SYNPO2L: variants seen among roughly 807,000 people sequenced by gnomAD.
The protein encoded by SYNPO2L is synaptopodin 2 like.
SYNPO2L carries 34 observed loss-of-function variants against 47.5 expected under a neutral mutation model. The ratio of observed to expected loss-of-function variants is 0.72; its 90% CI spans 0.54 to 0.95. The LOEUF (loss-of-function observed/expected upper bound fraction) is 0.95. Ranked by LOEUF, SYNPO2L falls within the 40% of genes least tolerant of loss-of-function variation. SYNPO2L has a pLI of 0.00. For missense variants in SYNPO2L, 1,246 were observed against 1,282.0 expected (o/e 0.97, Z 0.43); for synonymous variants, 536 against 524.9 (o/e 1.02, Z -0.29).
Position 73,647,423 on chromosome 10 carries a change from G to A in SYNPO2L, c.2229C>T (p.Ala743=), listed in dbSNP as rs755607793. The change falls in exon 4 of 4, where the codon GCC becomes GCT. Residue 743 remains alanine, a synonymous_variant. Transcript: ENST00000394810. ...GTGGCTCAGGGATTCCAGCCGAAGA[G>A]GCTGCCCCATTCACGAGCCCATCAA... The part of the protein sequence containing the change: ...GLLDGLVNGA[A]SSAGIPEPPR... The A allele has an allele frequency of 5.4e-5, 87 of 1,611,410 alleles. No homozygotes were observed. The highest frequency in any genetic ancestry group is 7.1e-5 in the Non-Finnish European group (84 of 1,178,156).
chr10:73,654,026 A>G (rs974437080), intron 2 of SYNPO2L, 103 bp downstream of exon 2: 1 of 1,407,148 alleles, frequency 7.1e-7, no homozygotes, highest in African/African-American at 1.4e-5. Flanking sequence ...ACGAGCAGAA[A>G]TAGGTACCTG....
At position 73,648,220 on chromosome 10, in the gene SYNPO2L, G is replaced by A. The variant is rs2081796930; in HGVS notation, c.1432C>T (p.Gln478Ter). Reference protein sequence around the residue: ...ARPFTPGLQGQRPTTTSVIFR... With the variant: ...ARPFTPGLQG Reference sequence around the variant, plus strand: ...ATAACCGAGGTGGTAGTTGGCCGCTGCCCTTGTAGGCCCGGGGTAAAGGGC... The same window carrying A: ...ATAACCGAGGTGGTAGTTGGCCGCTACCCTTGTAGGCCCGGGGTAAAGGGC... The change falls in exon 4 of 4, where the codon CAG (glutamine) becomes TAG (stop). Residue 478 changes from glutamine to a stop codon, truncating the protein, a stop_gained. Coordinates refer to ENST00000394810, the MANE Select transcript of SYNPO2L (RefSeq NM_001114133.3). LOFTEE classifies it low-confidence loss of function (END_TRUNC). 6.3e-7 allele frequency: 1 copy of A among 1,582,272 alleles called. No homozygotes were observed. Among genetic ancestry groups the A allele is most frequent in the African/African-American group, 1.3e-5 (1 of 74,574 alleles).
rs765818368 is a variant in SYNPO2L, at chr10:73,654,167, G to T, written c.219C>A (p.Ile73=). 6.4e-7 allele frequency: 1 copy of T among 1,551,700 alleles called. No individual in the cohort carries two copies. Among genetic ancestry groups the T allele is most frequent in the South Asian group, 1.2e-5 (1 of 84,056 alleles). The change falls in exon 2 of 4, where the codon ATC becomes ATA. Residue 73 remains isoleucine, a synonymous_variant. Coordinates refer to ENST00000394810, the MANE Select transcript of SYNPO2L (RefSeq NM_001114133.3). ...GGACAAGCTGATTTCCTGAGGCATC[G>T]ATGAGGCTCATGGCACTGGCATGGG... ...NLSHASAMSL[I]DASGNQLVLT...
intron 3 of SYNPO2L, chr10:73,649,872 A>C (rs1440448488): frequency 1.0e-6 from 1 of 985,190 alleles, no homozygotes; most frequent in Admixed American, 6.2e-5. Context: ...CCAAGGCAAC[A>C]CTCCAAATCT....
intron 3 of SYNPO2L, among the ~76,000 whole-genome samples, chr10:73,652,342 G>A (rs542646269): frequency 7.1e-4 from 108 of 151,958 alleles, no homozygotes; most frequent in Admixed American, 2.8e-3. Context: ...TACTGGAGAC[G>A]AAGTCTCACG....
chr10:73,652,511 A>T (rs533436088), intron 3 of SYNPO2L, among the ~76,000 whole-genome samples: 38 of 152,168 alleles, frequency 2.5e-4, no homozygotes, highest in African/African-American at 8.9e-4. Flanking sequence ...TCTACTAAAA[A>T]TACAAAAAAT....
At chr10:73,649,095 C>G (rs189802055) in intron 3 of SYNPO2L, among the ~76,000 whole-genome samples, 4 of 152,122 alleles carry the variant, frequency 2.6e-5, no homozygotes, top group Middle Eastern at 3.2e-3. Flanking sequence ...AGTTGGCTGC[C>G]CTGACACTGC....
Position 73,648,784 on chromosome 10 carries a change from G to A in SYNPO2L, c.868C>T (p.Pro290Ser), listed in dbSNP as rs747649988. 6.2e-7 allele frequency: 1 copy of A among 1,608,050 alleles called. No individual in the cohort carries two copies. The highest frequency in any genetic ancestry group is 1.1e-5 in the South Asian group (1 of 90,300). Reference protein sequence around the residue: ...IASLLTAAPNPHSKGVLMFKK... With the variant: ...IASLLTAAPNSHSKGVLMFKK... ...AACATAAGTACCCCTTTGGAGTGGG[G>A]GTTGGGGGCTGCAGTGAGCAGGGAT... The change falls in exon 4 of 4, where the codon CCC becomes TCC. Residue 290 changes from proline (P) to serine (S), a missense_variant. Physicochemically the swap from Pro to Ser is moderately conservative, Grantham distance 74. Transcript: ENST00000394810.
chr10:73,648,784 G>C lies in SYNPO2L; in HGVS notation c.868C>G (p.Pro290Ala). Reference protein sequence around the residue: ...IASLLTAAPNPHSKGVLMFKK... With the variant: ...IASLLTAAPNAHSKGVLMFKK... ...AACATAAGTACCCCTTTGGAGTGGG[G>C]GTTGGGGGCTGCAGTGAGCAGGGAT... The change falls in exon 4 of 4, where the codon CCC (proline) becomes GCC (alanine). Residue 290 changes from proline (P) to alanine (A), a missense_variant. Coordinates refer to ENST00000394810, the MANE Select transcript of SYNPO2L (RefSeq NM_001114133.3). 6.2e-7 allele frequency: 1 copy of C among 1,608,050 alleles called. No homozygotes were observed. Among genetic ancestry groups the C allele is most frequent in the Non-Finnish European group, 8.5e-7 (1 of 1,176,512 alleles).
In SYNPO2L at chr10:73,648,112, C is replaced by T; in HGVS notation, c.1540G>A (p.Gly514Arg). Residue 514 changes from glycine to arginine, a missense_variant, in exon 4 of 4, where the codon GGG (glycine) becomes AGG (arginine). Coordinates refer to ENST00000394810, the MANE Select transcript of SYNPO2L (RefSeq NM_001114133.3). ...PAPPPFLSSQ[G>R]PTPLPSFTSG... is the part of the protein sequence containing the mutation. The stretch of plus-strand genomic sequence containing the variant: ...GTGAAGCTGGGCAGAGGGGTGGGCC[C>T]CTGCGAAGACAAGAAGGGGGGTGGG... 2 of 1,541,962 alleles carry T rather than the reference C, an allele frequency of 1.3e-6. No individual in the cohort carries two copies. The highest frequency in any genetic ancestry group is 1.4e-5 in the African/African-American group (1 of 73,040).
In SYNPO2L at chr10:73,647,998, T is replaced by C. The variant is rs2081791336; in HGVS notation, c.1654A>G (p.Ile552Val). The change falls in exon 4 of 4, where the codon ATC (isoleucine) becomes GTC (valine). Residue 552 changes from isoleucine (I) to valine (V), a missense_variant. Around this residue, in one of 3 missense-constraint regions of SYNPO2L, gnomAD observed 1,037 missense variants for 1,021.5 expected, o/e 1.02. Coordinates refer to ENST00000394810, the MANE Select transcript of SYNPO2L (RefSeq NM_001114133.3). Reference sequence around the variant, plus strand: ...GTGACAGGCCGACTAGGGGCTGGGATGTACAGGGAGCTGGTGGCTGTCACA... The same window carrying C: ...GTGACAGGCCGACTAGGGGCTGGGACGTACAGGGAGCTGGTGGCTGTCACA... Reference protein sequence around the residue: ...GPVTATSSLYIPAPSRPVTPG... With the variant: ...GPVTATSSLYVPAPSRPVTPG... The C allele has an allele frequency of 6.4e-7, 1 of 1,570,884 alleles. No individual in the cohort carries two copies. Among genetic ancestry groups the C allele is most frequent in the African/African-American group, 1.4e-5 (1 of 73,426 alleles).
In SYNPO2L at chr10:73,645,252, C is replaced by T; in HGVS notation, c.*1466G>A. On this transcript the variant is annotated 3_prime_UTR_variant, in exon 4 of 4. Transcript: ENST00000394810. The stretch of plus-strand genomic sequence containing the variant: ...CTCACACCTCCCTTCCACCATCATT[C>T]CCTTCCATTCTAACATTCTTCTCCC... 6 of 1,100,006 alleles carry T rather than the reference C, an allele frequency of 5.5e-6. No homozygotes were observed. Among genetic ancestry groups the T allele is most frequent in the Non-Finnish European group, 6.7e-6 (6 of 892,094 alleles). 68.1% of individuals were successfully genotyped at this position (1,100,006 alleles called of 1,614,324 possible).
Position 73,645,507 on chromosome 10 carries a change from G to C in SYNPO2L, c.*1211C>G. 1 of 991,286 alleles carries C rather than the reference G, an allele frequency of 1.0e-6. No individual in the cohort carries two copies. The highest frequency in any genetic ancestry group is 1.2e-6 in the Non-Finnish European group (1 of 834,376). 61.4% of individuals were successfully genotyped at this position (991,286 alleles called of 1,614,324 possible). On this transcript the variant is annotated 3_prime_UTR_variant, in exon 4 of 4. Transcript: ENST00000394810. Reference sequence around the variant, plus strand: ...GCCAATGATTTGTTCATTCTCGGAGGGAATTTTCTTTCTTTTTTTCATTTC... The same window carrying C: ...GCCAATGATTTGTTCATTCTCGGAGCGAATTTTCTTTCTTTTTTTCATTTC...
rs997472730 is a variant in SYNPO2L at position 73,645,392 on chromosome 10, T to A, written c.*1326A>T. 9.9e-7 allele frequency: 1 copy of A among 1,005,030 alleles called. No individual in the cohort carries two copies. The highest frequency in any genetic ancestry group is 1.2e-6 in the Non-Finnish European group (1 of 843,370). The allele number at this position is 1,005,030 out of a possible 1,614,324, so 62.3% of individuals were successfully genotyped here. ...CACTTCTGTCTGTGGCTCAATCACT[T>A]ACACTCATTTCTGCCATGCTTCTGA... is the stretch of plus-strand genomic sequence containing the variant. On this transcript the variant is annotated 3_prime_UTR_variant, in exon 4 of 4. Transcript: ENST00000394810.
At position 73,646,663 on chromosome 10, in the gene SYNPO2L, G is replaced by A. The variant is rs765862668; in HGVS notation, c.*55C>T. On this transcript the variant is annotated 3_prime_UTR_variant, in exon 4 of 4. Transcript: ENST00000394810. ...CAGGGGATGGGATAGGGTAGGAGAAGCAACTTTAGGAACTGGATGTTCCAC... is the reference window on the plus strand; with the variant it reads ...CAGGGGATGGGATAGGGTAGGAGAAACAACTTTAGGAACTGGATGTTCCAC... The A allele has an allele frequency of 1.4e-6, 2 of 1,412,626 alleles. No individual in the cohort carries two copies. Among genetic ancestry groups the A allele is most frequent in the Non-Finnish European group, 1.9e-6 (2 of 1,078,876 alleles). 87.5% of individuals were successfully genotyped at this position (1,412,626 alleles called of 1,614,324 possible).
Position 73,648,790 on chromosome 10 carries a change from G to A in SYNPO2L, c.862C>T (p.Pro288Ser). The change falls in exon 4 of 4, where the codon CCC (proline) becomes TCC (serine). Residue 288 changes from proline (P) to serine (S), a missense_variant. Pro to Ser is a moderately conservative substitution (Grantham distance 74). Transcript: ENST00000394810. Reference sequence around the variant, plus strand: ...AGTACCCCTTTGGAGTGGGGGTTGGGGGCTGCAGTGAGCAGGGATGCAATT... The same window carrying A: ...AGTACCCCTTTGGAGTGGGGGTTGGAGGCTGCAGTGAGCAGGGATGCAATT... Reference protein sequence around the residue: ...RTIASLLTAAPNPHSKGVLMF... With the variant: ...RTIASLLTAASNPHSKGVLMF... 2 of 1,603,788 alleles carry A rather than the reference G, an allele frequency of 1.2e-6. No individual in the cohort carries two copies. Among genetic ancestry groups the A allele is most frequent in the African/African-American group, 1.3e-5 (1 of 74,744 alleles).
intron 3 of SYNPO2L, among the ~76,000 whole-genome samples, chr10:73,649,508 G>C (rs1431402998): frequency 6.6e-6 from 1 of 152,084 alleles, no homozygotes; most frequent in Non-Finnish European, 1.5e-5. Context: ...ACTTCAACAA[G>C]AATATCCATC....
chr10:73,647,277 G>A lies in SYNPO2L; in HGVS notation c.2375C>T (p.Thr792Ile), dbSNP rs753811966. The change falls in exon 4 of 4, where the codon ACC (threonine) becomes ATC (isoleucine). Residue 792 changes from threonine to isoleucine, a missense_variant. Physicochemically the swap from Thr to Ile is moderately conservative, Grantham distance 89. This residue lies in a region of SYNPO2L where 1,037 missense variants were observed against 1,021.5 expected (regional missense o/e 1.02). Transcript: ENST00000394810. Reference sequence around the variant, plus strand: ...TTTCCAGGAAGGGGGCAGAGACGGGGTAGGAGAAGGACTTCTAGGCCGAGG... The same window carrying A: ...TTTCCAGGAAGGGGGCAGAGACGGGATAGGAGAAGGACTTCTAGGCCGAGG... ...LGPRPRSPSP[T>I]PSLPPSWKYS... 1.9e-6 allele frequency: 3 copies of A among 1,613,992 alleles called. No individual in the cohort carries two copies. The South Asian group carries it at 3.3e-5, about 18-fold the overall frequency.
chr10:73,646,059 C>T lies in SYNPO2L; in HGVS notation c.*659G>A, dbSNP rs946953823. On this transcript the variant is annotated 3_prime_UTR_variant, in exon 4 of 4. Coordinates refer to ENST00000394810, the MANE Select transcript of SYNPO2L (RefSeq NM_001114133.3). ...CAGGATGGTCTCGATCTCCTGACCT[C>T]GTGATCCGCCCGCCTCGGCCTCCCA... 102 of 977,906 alleles carry T rather than the reference C, an allele frequency of 1.0e-4. No homozygotes were observed. In the African/African-American group the frequency reaches 1.5e-3, roughly 14 times the overall value. 60.6% of individuals were successfully genotyped at this position (977,906 alleles called of 1,614,324 possible). A position where few individuals can be genotyped will look rare whatever the true frequency, so the allele number is the denominator to read the frequency against.
Sources: gnomAD v4.1 joint callset for allele counts (sites outside exome capture counted in the v4.1 genomes callset) on GRCh38, gnomAD v4.1.1 for gene constraint, gnomAD v4.1.1 regional missense constraint, MANE v1.5 for transcripts, NCBI Gene and HGNC (gene_info 2026-07-23, HGNC 2026-07-21) for gene names.